Variants in PTPRM observed in about 807,000 individuals in gnomAD.
The protein encoded by PTPRM is receptor-type tyrosine-protein phosphatase mu.
A neutral mutation model predicts 186.7 loss-of-function variants in PTPRM; 47 were observed. The observed-to-expected ratio is 0.25, with a 90% confidence interval of 0.20 to 0.32. The LOEUF is 0.32. PTPRM is among the 10% of genes least tolerant of loss of function. The pLI is 1.00. For synonymous variants in PTPRM, 668 were observed against 674.9 expected, an observed-to-expected ratio of 0.99 and a Z score of 0.16; for missense variants, 1,494 against 1,865.0, an observed-to-expected ratio of 0.80 and a Z score of 3.66.
intron 1 of PTPRM, among the ~76,000 whole-genome samples, chr18:7,725,575 C>G (rs2040531512): frequency 6.6e-6 from 1 of 151,966 alleles, no homozygotes; most frequent in African/African-American, 2.4e-5. Flanking sequence ...CCTATAAAAA[C>G]CCCAGAGCTC....
chr18:8,244,277 G>T, intron 15 of PTPRM, 68 bp downstream of exon 15: 1 of 1,325,920 alleles, frequency 7.5e-7, no homozygotes, highest in Non-Finnish European at 9.8e-7. Context: ...GTGGTACTAG[G>T]GGATTTCAAA....
chr18:7,726,651 A>C (rs1326291838), intron 1 of PTPRM, among the ~76,000 whole-genome samples: 1 of 152,156 alleles, frequency 6.6e-6, no homozygotes, highest in African/African-American at 2.4e-5. Context: ...TCAATCTCTC[A>C]AGAGTGAGAA....
At chr18:7,684,994 C>G (rs1192081184) in intron 1 of PTPRM, among the ~76,000 whole-genome samples, 8 of 152,200 alleles carry the variant, frequency 5.3e-5, no homozygotes, top group African/African-American at 1.9e-4. Context: ...CAGTGATACT[C>G]TCCCACTCTT....
At chr18:8,121,110 C>G (rs774050224) in intron 13 of PTPRM, among the ~76,000 whole-genome samples, 1 of 152,198 alleles carries the variant, frequency 6.6e-6, no homozygotes, top group Non-Finnish European at 1.5e-5. Context: ...GTTTGTTAAT[C>G]TCACTTAACA....
At chr18:7,911,899 C>A (rs943712501) in intron 4 of PTPRM, among the ~76,000 whole-genome samples, 2 of 131,876 alleles carry the variant, frequency 1.5e-5, no homozygotes, top group Non-Finnish European at 3.1e-5. Context: ...CTCACCCAGG[C>A]TGGAGTGCAG....
At chr18:7,621,201 G>T (rs1260323893) in intron 1 of PTPRM, among the ~76,000 whole-genome samples, 2 of 152,134 alleles carry the variant, frequency 1.3e-5, no homozygotes. Flanking sequence ...TAAGAAACTT[G>T]CCCAAGGTCA....
chr18:8,378,047 A>G (rs1278535369), intron 26 of PTPRM: 3 of 484,032 alleles, frequency 6.2e-6, no homozygotes, highest in Non-Finnish European at 1.1e-5. Context: ...ATGGTGCTGC[A>G]GTGCGTGTGG....
chr18:7,574,983 G>T (rs547091226), intron 1 of PTPRM, among the ~76,000 whole-genome samples: 4 of 152,358 alleles, frequency 2.6e-5, no homozygotes, highest in Admixed American at 1.3e-4. Context: ...AGTGAGCCGA[G>T]ATCGCGCCAC....
chr18:7,761,945 T>C (rs1799828276), intron 1 of PTPRM, among the ~76,000 whole-genome samples: 1 of 152,206 alleles, frequency 6.6e-6, no homozygotes, highest in South Asian at 2.1e-4. Flanking sequence ...TCTTCAGCGC[T>C]CCTTTCTAAT....
At chr18:8,214,343 G>A (rs944163991) in intron 14 of PTPRM, among the ~76,000 whole-genome samples, 1 of 152,110 alleles carries the variant, frequency 6.6e-6, no homozygotes, top group Non-Finnish European at 1.5e-5. Flanking sequence ...CTTCTGTTTG[G>A]TGTTGTATCT....
At chr18:7,806,536 A>G (rs954128483) in intron 2 of PTPRM, among the ~76,000 whole-genome samples, 2 of 152,198 alleles carry the variant, frequency 1.3e-5, no homozygotes, top group East Asian at 3.9e-4. Flanking sequence ...GAAAAATTTT[A>G]AAAAATCAAT....
chr18:7,589,089 C>T (rs1331289093), intron 1 of PTPRM, among the ~76,000 whole-genome samples: 3 of 152,186 alleles, frequency 2.0e-5, no homozygotes, highest in Admixed American at 6.5e-5. Context: ...CTCCAGTGAT[C>T]TTCCAGACTC....
At chr18:7,717,927 CT>C (rs2144834306) in intron 1 of PTPRM, among the ~76,000 whole-genome samples, 1 of 152,234 alleles carries the variant, frequency 6.6e-6, no homozygotes, top group East Asian at 1.9e-4. Flanking sequence ...CACCTGTTTG[CT>C]TGTGCTCCCT....
At chr18:8,258,550 G>A (rs1202816614) in intron 19 of PTPRM, among the ~76,000 whole-genome samples, 1 of 152,092 alleles carries the variant, frequency 6.6e-6, no homozygotes, top group Non-Finnish European at 1.5e-5. Flanking sequence ...AAAGGACCTT[G>A]TTGATGGCTC....
At chr18:7,806,766 G>A (rs1300591517) in intron 2 of PTPRM, among the ~76,000 whole-genome samples, 2 of 152,150 alleles carry the variant, frequency 1.3e-5, no homozygotes, top group Non-Finnish European at 2.9e-5. Flanking sequence ...GTAATGTGGA[G>A]GTGAATTTAT....
chr18:7,688,039 G>A (rs1487937492), intron 1 of PTPRM, among the ~76,000 whole-genome samples: 1 of 152,078 alleles, frequency 6.6e-6, no homozygotes, highest in South Asian at 2.1e-4. Context: ...GCTTCCCAAA[G>A]TGCTGGATTA....
intron 14 of PTPRM, among the ~76,000 whole-genome samples, chr18:8,149,634 TTAGCCCATTTACA>T (rs1217337396): frequency 6.6e-6 from 1 of 152,236 alleles, no homozygotes; most frequent in African/African-American, 2.4e-5. Flanking sequence ...ATTGGAGCAT[TTAGCCCATTTACA>T]TGTAAGGTTA....
intron 7 of PTPRM, among the ~76,000 whole-genome samples, chr18:8,066,649 CA>C (rs2089106844): frequency 6.6e-6 from 1 of 152,154 alleles, no homozygotes; most frequent in African/African-American, 2.4e-5. Flanking sequence ...AAATACTCTG[CA>C]AAAGCTTCCG....
chr18:8,099,019 G>A (rs889610444), intron 11 of PTPRM, among the ~76,000 whole-genome samples: 1 of 152,070 alleles, frequency 6.6e-6, no homozygotes, highest in Non-Finnish European at 1.5e-5. Flanking sequence ...AATATCCTGG[G>A]TGGTTCCATG....
Sources: allele counts gnomAD v4.1 joint callset (sites outside exome capture counted in the v4.1 genomes callset), GRCh38; gene constraint gnomAD v4.1.1; transcripts MANE v1.5; gene names NCBI Gene and HGNC (gene_info 2026-07-23, HGNC 2026-07-21).